PSTPIP1: variants seen among roughly 807,000 people sequenced by gnomAD.
The protein encoded by PSTPIP1 is proline-serine-threonine phosphatase interacting protein 1.
Under a neutral mutation model 69.6 loss-of-function variants are expected in PSTPIP1, and 66 were observed. That is an observed-to-expected ratio of 0.95 (90% CI 0.78 to 1.16). The LOEUF (loss-of-function observed/expected upper bound fraction) is 1.16. Ranked by LOEUF, PSTPIP1 falls within the 50% of genes most tolerant of loss-of-function variation. PSTPIP1 has a pLI of 0.00. For missense variants in PSTPIP1, 603 were observed against 557.4 expected (o/e 1.08, Z -0.82); for synonymous variants, 266 against 222.7 (o/e 1.19, Z -1.73).
chr15:77,028,701 G>T, intron 7 of PSTPIP1, 49 bp downstream of exon 7: 1 of 1,435,532 alleles, frequency 7.0e-7, no homozygotes. Context: ...TGGGGGCAGT[G>T]GGGGAGGCAA....
chr15:77,028,342 G>C, intron 6 of PSTPIP1: 3 of 535,702 alleles, frequency 5.6e-6, no homozygotes, highest in Non-Finnish European at 9.9e-6. Flanking sequence ...GCTGTCCTCA[G>C]TGGGGAGGGC....
At chr15:77,010,229 C>A (rs2075905961) in intron 1 of PSTPIP1, among the ~76,000 whole-genome samples, 1 of 152,216 alleles carries the variant, frequency 6.6e-6, no homozygotes, top group Non-Finnish European at 1.5e-5. Flanking sequence ...GCTGTGTAAC[C>A]TGGACAAGTC....
At chr15:76,998,141 G>C (rs941711680) in intron 1 of PSTPIP1, among the ~76,000 whole-genome samples, 3 of 152,246 alleles carry the variant, frequency 2.0e-5, no homozygotes, top group African/African-American at 7.2e-5. Context: ...GGGAGGCTGA[G>C]GCAGGAGAAC....
chr15:77,014,736 G>A (rs1458602420), intron 1 of PSTPIP1, among the ~76,000 whole-genome samples: 1 of 152,228 alleles, frequency 6.6e-6, no homozygotes, highest in East Asian at 1.9e-4. Flanking sequence ...CACAGGCCTG[G>A]GCCGTGGCTC....
At chr15:77,000,476 TACACACAC>T (rs893354130) in intron 1 of PSTPIP1, among the ~76,000 whole-genome samples, 11 of 146,790 alleles carry the variant, frequency 7.5e-5, no homozygotes, top group African/African-American at 2.8e-4. Flanking sequence ...TATATATATA[TACACACAC>T]ACACACACAC....
Position 77,005,033 on chromosome 15 carries a change from T to G in PSTPIP1, c.36+9424T>G, listed in dbSNP as rs2075788763. On this transcript the variant is annotated intron_variant, in intron 1 of 14. Transcript: ENST00000558012. ...ATCAGTATTTTTCAAAGTTCCCCAG[T>G]GCCTCCATGTGGAACTTTAGCTTGA... is the stretch of plus-strand genomic sequence containing the variant. Among the ~76,000 whole-genome samples, 2 of 152,184 alleles carry G rather than the reference T, an allele frequency of 1.3e-5. 1 individual carries two copies. Among genetic ancestry groups the G allele is most frequent in the South Asian group, 4.1e-4 (2 of 4,824 alleles).
chr15:76,994,738 T>C, upstream of PSTPIP1: 2 of 1,288,588 alleles, frequency 1.6e-6, no homozygotes, highest in South Asian at 2.5e-5. Flanking sequence ...TCCCAGACTA[T>C]GGGCTCCTTG....
intron 1 of PSTPIP1, among the ~76,000 whole-genome samples, chr15:77,008,496 G>A (rs1433495470): frequency 2.0e-5 from 3 of 152,118 alleles, no homozygotes; most frequent in East Asian, 1.9e-4. Context: ...TGCAACCTCC[G>A]TCTCCTGGGC....
chr15:77,016,807 C>T (rs1325171308), intron 1 of PSTPIP1, among the ~76,000 whole-genome samples: 1 of 152,200 alleles, frequency 6.6e-6, no homozygotes, highest in African/African-American at 2.4e-5. Context: ...AATGCCTCTT[C>T]CTGCAGAGAG....
At chr15:77,036,628 G>A (rs2152692556) in intron 14 of PSTPIP1, among the ~76,000 whole-genome samples, 1 of 152,294 alleles carries the variant, frequency 6.6e-6, no homozygotes, top group East Asian at 1.9e-4. Flanking sequence ...AGGGCTCGGG[G>A]AGGCAGGGAA....
At chr15:77,003,703 C>G (rs1173352043) in intron 1 of PSTPIP1, among the ~76,000 whole-genome samples, 1 of 151,958 alleles carries the variant, frequency 6.6e-6, no homozygotes, top group African/African-American at 2.4e-5. Context: ...TGAAGCCTCA[C>G]CCAACCCTCA....
At chr15:77,019,754 C>G (rs1039808643) in intron 3 of PSTPIP1, among the ~76,000 whole-genome samples, 1 of 152,232 alleles carries the variant, frequency 6.6e-6, no homozygotes, top group East Asian at 1.9e-4. Flanking sequence ...GGCTGAGGGC[C>G]GGGTGCAGGC....
rs114366335 is a variant in PSTPIP1, at chr15:77,035,739, G to A, written c.986-63G>A. 6.6e-4 allele frequency: 1,006 copies of A among 1,530,898 alleles called. 5 individuals carry two copies. The African/African-American group carries it at 0.012, about 18-fold the overall frequency. 94.8% of individuals were successfully genotyped at this position (1,530,898 alleles called of 1,614,324 possible). On this transcript the variant is annotated intron_variant, in intron 13 of 14. Transcript: ENST00000558012. ...CCCAGCATGGAGAAACCCCATTCTA[G>A]TAGGACTTCCAGGGGCCAGTGTCCC...
intron 1 of PSTPIP1, among the ~76,000 whole-genome samples, chr15:77,001,845 G>A (rs2075715412): frequency 6.6e-6 from 1 of 152,212 alleles, no homozygotes; most frequent in East Asian, 1.9e-4. Flanking sequence ...AATTAAAGTG[G>A]TTGCCTGTTG....
intron 5 of PSTPIP1, among the ~76,000 whole-genome samples, chr15:77,025,905 T>G (rs1047041939): frequency 1.3e-5 from 2 of 152,124 alleles, no homozygotes. Context: ...TGTGGCAACT[T>G]GGCAGTGTCC....
chr15:76,995,251 G>C lies in PSTPIP1; in HGVS notation c.-323G>C. ...GGCTGGCATCCCTGCTCCCTGCCCT[G>C]GGTCCCAGACTGTGTCCTCCATCAC... On this transcript the variant is annotated 5_prime_UTR_variant, in exon 1 of 15. Coordinates refer to ENST00000558012, the MANE Select transcript of PSTPIP1 (RefSeq NM_003978.5). The C allele has an allele frequency of 7.9e-7, 1 of 1,273,540 alleles. No individual in the cohort carries two copies. 78.9% of individuals were successfully genotyped at this position (1,273,540 alleles called of 1,614,324 possible). A position where few individuals can be genotyped will look rare whatever the true frequency, so the allele number is the denominator to read the frequency against.
intron 3 of PSTPIP1, among the ~76,000 whole-genome samples, 172 bp from the exon 4 acceptor site, chr15:77,025,112 G>T (rs1310904286): frequency 1.3e-5 from 2 of 152,136 alleles, no homozygotes; most frequent in Non-Finnish European, 2.9e-5. Context: ...TCAGTCTGGG[G>T]CCCCAGTGGA....
chr15:77,032,276 C>T, intron 10 of PSTPIP1, 22 bp from the exon 11 acceptor site: 1 of 1,610,462 alleles, frequency 6.2e-7, no homozygotes, highest in Non-Finnish European at 8.5e-7. Flanking sequence ...CGGGCTGCGG[C>T]CTCTGCTCTT....
At chr15:77,017,361 C>T (rs1372551360) in intron 1 of PSTPIP1, among the ~76,000 whole-genome samples, 1 of 152,204 alleles carries the variant, frequency 6.6e-6, no homozygotes, top group Non-Finnish European at 1.5e-5. Context: ...CCAGGAACAA[C>T]AGCCAGGGCA....
Sources: gnomAD v4.1 joint callset for allele counts (sites outside exome capture counted in the v4.1 genomes callset) on GRCh38, gnomAD v4.1.1 for gene constraint, MANE v1.5 for transcripts, NCBI Gene and HGNC (gene_info 2026-07-23, HGNC 2026-07-21) for gene names.